HSF2BP: variants seen among roughly 807,000 people sequenced by gnomAD.
HSF2BP encodes the protein heat shock transcription factor 2 binding protein, also known as heat shock factor 2-binding protein.
A neutral mutation model predicts 35.0 loss-of-function variants in HSF2BP; 35 were observed. The ratio of observed to expected loss-of-function variants is 1.00; its 90% CI spans 0.76 to 1.32. The LOEUF is 1.32. Among genes scored for constraint, HSF2BP ranks in the 40% most tolerant of loss-of-function variants. The probability of loss-of-function intolerance (pLI) is 0.00; values close to 1 mark genes in which losing one functional copy is unlikely to be tolerated. For missense variants in HSF2BP, 326 were observed against 321.7 expected (o/e 1.01, Z -0.10); for synonymous variants, 114 against 117.4 (o/e 0.97, Z 0.18).
rs2082002048 is a variant in HSF2BP, at chr21:43,597,535, C to T, written c.693-5207G>A. ...AAACTTTAATTTTTTACTTTTTTTT[C>T]CTAGAGCTAGGGTCTCACTTTGTCA... On this transcript the variant is annotated intron_variant, in intron 7 of 8. Coordinates refer to ENST00000291560, the MANE Select transcript of HSF2BP (RefSeq NM_007031.2). This position sits in a 1 kb window ranked among gnomAD's most constrained non-coding sequence, Gnocchi z 4.3. 6.6e-6 allele frequency among the ~76,000 whole-genome samples: 1 copy of T among 151,528 alleles called. No homozygotes were observed. Among genetic ancestry groups the T allele is most frequent in the African/African-American group, 2.4e-5 (1 of 41,242 alleles).
At chr21:43,599,663 G>A (rs867931632) in intron 7 of HSF2BP, among the ~76,000 whole-genome samples, 3 of 151,698 alleles carry the variant, frequency 2.0e-5, no homozygotes, top group South Asian at 2.1e-4. Flanking sequence ...GCGTGGTGGC[G>A]CACACCTGTA....
chr21:43,584,598 T>G lies in HSF2BP; in HGVS notation c.796+7627A>C, dbSNP rs184167747. Among the ~76,000 whole-genome samples, 17 of 152,246 alleles carry G rather than the reference T, an allele frequency of 1.1e-4. No individual in the cohort carries two copies. The East Asian group carries it at 2.9e-3, about 26-fold the overall frequency. ...CTGGGCATCTCATGGTCCAATCAAG[T>G]TGATATAAAAATTAACTCTCTTAGG... On this transcript the variant is annotated intron_variant, in intron 8 of 8. Transcript: ENST00000291560.
chr21:43,656,600 C>T lies in HSF2BP; in HGVS notation c.174G>A (p.Lys58=), dbSNP rs1353968703. Residue 58 remains lysine (K), a synonymous_variant, in exon 3 of 9, where the codon AAG becomes AAA. Coordinates refer to ENST00000291560, the MANE Select transcript of HSF2BP (RefSeq NM_007031.2). ...ATGAAGACTCACTTTTTTCTACAATCTTTAATTTCTGGAAGCTCTCCAGCA... is the reference window on the plus strand; with the variant it reads ...ATGAAGACTCACTTTTTTCTACAATTTTTAATTTCTGGAAGCTCTCCAGCA... ...GEVLESFQKL[K]IVEKNLERKE... is the part of the protein sequence containing the mutation. 3 of 1,605,174 alleles carry T rather than the reference C, an allele frequency of 1.9e-6. No individual in the cohort carries two copies. Among genetic ancestry groups the T allele is most frequent in the African/African-American group, 2.7e-5 (2 of 74,442 alleles).
intron 3 of HSF2BP, among the ~76,000 whole-genome samples, chr21:43,649,676 G>A (rs1486537063): frequency 6.6e-6 from 1 of 152,206 alleles, no homozygotes. Context: ...CTCTGAGACT[G>A]TCAGTGAATA....
chr21:43,625,063 C>G (rs2082373294), intron 6 of HSF2BP, among the ~76,000 whole-genome samples: 1 of 152,170 alleles, frequency 6.6e-6, no homozygotes, highest in Non-Finnish European at 1.5e-5. Context: ...AGAACAGTGA[C>G]TACAGTTGAG....
At chr21:43,641,503 T>C (rs2082636308) in intron 4 of HSF2BP, among the ~76,000 whole-genome samples, 1 of 152,202 alleles carries the variant, frequency 6.6e-6, no homozygotes. Flanking sequence ...AAGTCTTCCT[T>C]GTTTGAGTAG....
In HSF2BP at chr21:43,651,587, AAT is replaced by A. The variant is rs572525739; in HGVS notation, c.187+4998_187+4999del. On this transcript the variant is annotated intron_variant, in intron 3 of 8. Coordinates refer to ENST00000291560, the MANE Select transcript of HSF2BP (RefSeq NM_007031.2). ...ATTTTGATGGTTATTTCCATGTGGT[AAT>A]TTCCAGTTGACTCTCATCTCAAATT... Among the ~76,000 whole-genome samples the A allele has an allele frequency of 5.0e-3, 759 of 152,312 alleles. 8 individuals are homozygous for A. Among genetic ancestry groups the A allele is most frequent in the African/African-American group, 0.018 (730 of 41,552 alleles).
intron 6 of HSF2BP, among the ~76,000 whole-genome samples, chr21:43,618,686 C>CA (rs751048038): frequency 5.1e-4 from 77 of 151,928 alleles, no homozygotes; most frequent in Admixed American, 1.5e-3. Flanking sequence ...CCTGTAATCC[C>CA]AGTACTTTGG....
At position 43,592,219 on chromosome 21, in the gene HSF2BP, C is replaced by T. The variant is rs8128967; in HGVS notation, c.796+6G>A. 8 of 1,597,680 alleles carry T rather than the reference C, an allele frequency of 5.0e-6. No homozygotes were observed. The highest frequency in any genetic ancestry group is 6.9e-6 in the Non-Finnish European group (8 of 1,165,204). The stretch of plus-strand genomic sequence containing the variant: ...AAGCAGCTGGACAGATAACCACCCC[C>T]CTTACCACTCAAAAGCCACCACAGC... On this transcript the variant is annotated splice_donor_region_variant and intron_variant, in intron 8 of 8. Coordinates refer to ENST00000291560, the MANE Select transcript of HSF2BP (RefSeq NM_007031.2).
chr21:43,586,181 G>A (rs111442710), intron 8 of HSF2BP, among the ~76,000 whole-genome samples: 3,793 of 152,242 alleles, frequency 0.025, 51 homozygotes, highest in Middle Eastern at 0.065. Context: ...TGTCCTCGTC[G>A]GCTATTTGCT....
chr21:43,608,807 A>C (rs1449117508), intron 7 of HSF2BP, among the ~76,000 whole-genome samples: 1 of 152,060 alleles, frequency 6.6e-6, no homozygotes, highest in Non-Finnish European at 1.5e-5. Flanking sequence ...TACCAAAAAA[A>C]AAAAAATTTT....
At chr21:43,603,269 C>A (rs908520172) in intron 7 of HSF2BP, among the ~76,000 whole-genome samples, 2 of 152,274 alleles carry the variant, frequency 1.3e-5, no homozygotes, top group East Asian at 1.9e-4. Flanking sequence ...GCGCTCAGGG[C>A]CCCCCGCAAT....
chr21:43,650,579 C>A (rs2082770909), intron 3 of HSF2BP, among the ~76,000 whole-genome samples: 1 of 151,902 alleles, frequency 6.6e-6, no homozygotes, highest in African/African-American at 2.4e-5. Flanking sequence ...ATTTATTCAC[C>A]ACTGTTGGAT....
At chr21:43,624,725 CAAG>C (rs776730486) in intron 6 of HSF2BP, among the ~76,000 whole-genome samples, 15 of 152,208 alleles carry the variant, frequency 9.9e-5, no homozygotes, top group Admixed American at 2.0e-4. Context: ...AAACCAGAGA[CAAG>C]GAGTACAATC....
intron 3 of HSF2BP, among the ~76,000 whole-genome samples, chr21:43,653,890 AAGAG>A (rs1445439663): frequency 3.9e-5 from 6 of 152,126 alleles, no homozygotes; most frequent in African/African-American, 1.4e-4. Flanking sequence ...AGTAGTGAGG[AAGAG>A]AGACAGGTAA....
intron 8 of HSF2BP, among the ~76,000 whole-genome samples, chr21:43,588,408 C>A (rs75604224): frequency 0.026 from 3,919 of 152,010 alleles, 175 homozygotes; most frequent in African/African-American, 0.089. Context: ...AATAAGAAGT[C>A]ATCCAGCACT....
intron 3 of HSF2BP, among the ~76,000 whole-genome samples, chr21:43,651,165 A>G (rs1436467767): frequency 6.6e-6 from 1 of 152,032 alleles, no homozygotes; most frequent in African/African-American, 2.4e-5. Flanking sequence ...AGTTTCCCAC[A>G]CCATCTGAGG....
At chr21:43,635,168 C>A (rs1160476980) in intron 4 of HSF2BP, among the ~76,000 whole-genome samples, 1 of 151,758 alleles carries the variant, frequency 6.6e-6, no homozygotes, top group African/African-American at 2.4e-5. Flanking sequence ...AAGACCTATA[C>A]AATGAAAACT....
chr21:43,632,377 C>A (rs2082488319), intron 5 of HSF2BP, among the ~76,000 whole-genome samples: 1 of 27,756 alleles, frequency 3.6e-5, no homozygotes, highest in Non-Finnish European at 6.7e-5. Context: ...CACACACACG[C>A]TCCCCCCCCA....
Sources: allele counts gnomAD v4.1 joint callset (sites outside exome capture counted in the v4.1 genomes callset), GRCh38; gene constraint gnomAD v4.1.1; non-coding constraint Gnocchi (gnomAD v3.1); transcripts MANE v1.5; gene names NCBI Gene and HGNC (gene_info 2026-07-23, HGNC 2026-07-21).